The following PTH2R variants were observed in gnomAD, a reference collection of about 807,000 sequenced individuals.
PTH2R encodes parathyroid hormone 2 receptor.
Under a neutral mutation model 60.3 loss-of-function variants are expected in PTH2R, and 59 were observed. That is an observed-to-expected ratio of 0.98 (90% CI 0.79 to 1.22). The LOEUF is 1.22. Ranked by LOEUF, PTH2R falls within the 50% of genes most tolerant of loss-of-function variation. The pLI, the probability that PTH2R is intolerant of heterozygous loss-of-function variation, is 0.00. For missense variants in PTH2R, 749 were observed against 682.6 expected, an observed-to-expected ratio of 1.10 and a Z score of -1.08; for synonymous variants, 256 against 243.8, an observed-to-expected ratio of 1.05 and a Z score of -0.47.
chr2:208,437,929 T>C lies in PTH2R; in HGVS notation c.411+48T>C, dbSNP rs758520090. ...GAATTCCTAAGGGAAAGCAGAATAA[T>C]ATTTTAATGCAATTCTCAATTGCCA... On this transcript the variant is annotated intron_variant, in intron 4 of 12. Transcript: ENST00000272847. The C allele has an allele frequency of 4.4e-6, 7 of 1,584,870 alleles. No homozygotes were observed. The South Asian group carries it at 4.5e-5, about 10-fold the overall frequency.
chr2:208,408,303 A>G (rs1357531657), intron 1 of PTH2R, among the ~76,000 whole-genome samples: 1 of 152,216 alleles, frequency 6.6e-6, no homozygotes, highest in Admixed American at 6.5e-5. Context: ...AAGTTACCAG[A>G]AGGAATATGA....
intron 9 of PTH2R, among the ~76,000 whole-genome samples, chr2:208,463,909 C>T (rs1360660655): frequency 1.3e-5 from 2 of 152,206 alleles, no homozygotes; most frequent in East Asian, 3.9e-4. Flanking sequence ...ATAGGCACTT[C>T]TGATTACAGA....
intron 1 of PTH2R, among the ~76,000 whole-genome samples, chr2:208,416,379 A>C (rs963068994): frequency 2.6e-5 from 4 of 152,220 alleles, no homozygotes; most frequent in African/African-American, 7.2e-5. Context: ...TTATTGAACC[A>C]ATAATGTCAA....
chr2:208,388,345 C>T (rs1701046581), intron 1 of PTH2R, among the ~76,000 whole-genome samples: 1 of 151,898 alleles, frequency 6.6e-6, no homozygotes, highest in African/African-American at 2.4e-5. Context: ...AAAAAAACTT[C>T]ACGCTTCAAT....
At chr2:208,431,436 C>T (rs916242067) in intron 2 of PTH2R, among the ~76,000 whole-genome samples, 5 of 152,170 alleles carry the variant, frequency 3.3e-5, no homozygotes, top group Admixed American at 1.3e-4. Flanking sequence ...TGATGAGCAA[C>T]TCATGAGGTT....
At chr2:208,456,702 C>T (rs1682288614) in intron 8 of PTH2R, among the ~76,000 whole-genome samples, 1 of 152,150 alleles carries the variant, frequency 6.6e-6, no homozygotes, top group African/African-American at 2.4e-5. Flanking sequence ...ACCTTTGTAT[C>T]TCATGCTTCA....
intron 9 of PTH2R, among the ~76,000 whole-genome samples, chr2:208,462,548 A>T (rs750278162): frequency 6.6e-6 from 1 of 152,232 alleles, no homozygotes; most frequent in Non-Finnish European, 1.5e-5. Flanking sequence ...CTGGAAATCC[A>T]GGAGCTTGGA....
intron 8 of PTH2R, among the ~76,000 whole-genome samples, chr2:208,454,665 A>C (rs550077697): frequency 2.0e-5 from 3 of 152,258 alleles, no homozygotes; most frequent in Non-Finnish European, 4.4e-5. Context: ...TAACACACTT[A>C]TGATAAAGAA....
At chr2:208,387,579 A>C (rs1014965948) in intron 1 of PTH2R, among the ~76,000 whole-genome samples, 1 of 152,222 alleles carries the variant, frequency 6.6e-6, no homozygotes, top group Admixed American at 6.5e-5. Context: ...ATTTAACTAC[A>C]TTAGAAGTTA....
At chr2:208,410,370 A>T (rs1314808482) in intron 1 of PTH2R, among the ~76,000 whole-genome samples, 1 of 152,100 alleles carries the variant, frequency 6.6e-6, no homozygotes, top group Non-Finnish European at 1.5e-5. Context: ...TCTGACTTTT[A>T]CCTCTGGGGC....
rs1178447399 is a variant in PTH2R at position 208,494,267 on chromosome 2, A to G, written c.*608A>G. 6.6e-6 allele frequency: 1 copy of G among 152,244 alleles called. No individual in the cohort carries two copies. Among genetic ancestry groups the G allele is most frequent in the Non-Finnish European group, 1.5e-5 (1 of 68,048 alleles). The allele number at this position is 152,244 out of a possible 1,614,324, so 9.4% of individuals were successfully genotyped here. On this transcript the variant is annotated 3_prime_UTR_variant, in exon 13 of 13. Transcript: ENST00000272847. ...TTTCTCAAAAAAGAATATTTCACAC[A>G]TCCCTTCTTTTGAATGGCCTCTTTG...
chr2:208,457,641 G>T lies in PTH2R; in HGVS notation c.915-2254G>T, dbSNP rs1702540670. On this transcript the variant is annotated intron_variant, in intron 8 of 12. Coordinates refer to ENST00000272847, the MANE Select transcript of PTH2R (RefSeq NM_005048.4). Reference sequence around the variant, plus strand: ...TATTTGTTTGCATATGCATAAACATGGGAAGCATACACAATATGGTAATAA... The same window carrying T: ...TATTTGTTTGCATATGCATAAACATTGGAAGCATACACAATATGGTAATAA... 2.6e-5 allele frequency among the ~76,000 whole-genome samples: 4 copies of T among 152,200 alleles called. No individual in the cohort carries two copies. In the South Asian group the frequency reaches 6.2e-4, roughly 24 times the overall value.
At chr2:208,430,861 G>A (rs1701957594) in intron 2 of PTH2R, among the ~76,000 whole-genome samples, 1 of 151,950 alleles carries the variant, frequency 6.6e-6, no homozygotes, top group Admixed American at 6.6e-5. Flanking sequence ...CAGCATGCCC[G>A]GCCTCTGTCT....
intron 1 of PTH2R, among the ~76,000 whole-genome samples, chr2:208,363,175 C>T (rs1444997359): frequency 6.6e-6 from 1 of 152,068 alleles, no homozygotes; most frequent in African/African-American, 2.4e-5. Flanking sequence ...CCTCCCCCTT[C>T]TCCCACCCTC....
intron 12 of PTH2R, among the ~76,000 whole-genome samples, chr2:208,491,606 T>C (rs1703404787): frequency 6.6e-6 from 1 of 152,168 alleles, no homozygotes; most frequent in Non-Finnish European, 1.5e-5. Context: ...CTTGCTTATC[T>C]GGGAGGGAGA....
chr2:208,437,926 T>C (rs1702108881), intron 4 of PTH2R, 45 bp downstream of exon 4: 1 of 1,585,744 alleles, frequency 6.3e-7, no homozygotes, highest in Middle Eastern at 1.7e-4. Flanking sequence ...GAAAGCAGAA[T>C]AATATTTTAA....
intron 1 of PTH2R, among the ~76,000 whole-genome samples, chr2:208,384,203 C>T (rs1290532057): frequency 6.6e-6 from 1 of 152,082 alleles, no homozygotes; most frequent in East Asian, 1.9e-4. Flanking sequence ...GAGCAGGTTT[C>T]CGGGTGAAGG....
At chr2:208,390,781 C>G (rs896496263) in intron 1 of PTH2R, among the ~76,000 whole-genome samples, 3 of 152,102 alleles carry the variant, frequency 2.0e-5, no homozygotes, top group African/African-American at 7.2e-5. Flanking sequence ...TAAATAATTT[C>G]CATCAAAAAG....
chr2:208,492,384 C>G (rs1703423374), intron 12 of PTH2R, among the ~76,000 whole-genome samples: 1 of 152,096 alleles, frequency 6.6e-6, no homozygotes, highest in South Asian at 2.1e-4. Context: ...GAGCTGAGCC[C>G]AATTCCACTT....
Sources: gnomAD v4.1 joint callset for allele counts (sites outside exome capture counted in the v4.1 genomes callset) on GRCh38, gnomAD v4.1.1 for gene constraint, MANE v1.5 for transcripts, NCBI Gene and HGNC (gene_info 2026-07-23, HGNC 2026-07-21) for gene names.